CREB5: variants seen among roughly 807,000 people sequenced by gnomAD.
CREB5 encodes the protein cyclic AMP-responsive element-binding protein 5.
CREB5 carries 19 observed loss-of-function variants against 57.1 expected under a neutral mutation model. The observed-to-expected ratio is 0.33, with a 90% confidence interval of 0.23 to 0.49. CREB5 has a LOEUF of 0.49. Among genes scored for constraint, CREB5 ranks in the 20% least tolerant of loss-of-function variants. The probability of loss-of-function intolerance (pLI) is 0.99; values close to 1 mark genes in which losing one functional copy is unlikely to be tolerated. For missense variants in CREB5, 579 were observed against 671.6 expected (o/e 0.86, Z 1.52); for synonymous variants, 238 against 238.3 (o/e 1.00, Z 0.01).
At chr7:28,501,084 G>A (rs1215522805) in intron 3 of CREB5, among the ~76,000 whole-genome samples, 2 of 151,654 alleles carry the variant, frequency 1.3e-5, no homozygotes, top group South Asian at 4.2e-4. Context: ...TTTCATATGA[G>A]GAAATAAGAT....
In CREB5 at chr7:28,820,382, T is replaced by C. The variant is rs1809691426; in HGVS notation, c.*1103T>C. The C allele has an allele frequency of 6.6e-6, 1 of 152,502 alleles. No homozygotes were observed. The allele number at this position is 152,502 out of a possible 1,614,324, so 9.4% of individuals were successfully genotyped here. A position where few individuals can be genotyped will look rare whatever the true frequency, so the allele number is the denominator to read the frequency against. On this transcript the variant is annotated 3_prime_UTR_variant, in exon 11 of 11. Coordinates refer to ENST00000357727, the MANE Select transcript of CREB5 (RefSeq NM_182898.4). ...TCTATTCACTACACAGATTACATTG[T>C]TCAATCATCAGCTGCTAATAGCCTA...
rs185731698 is a variant in CREB5 at position 28,461,051 on chromosome 7, A to C, written c.4-27124A>C. 5.1e-3 allele frequency among the ~76,000 whole-genome samples: 770 copies of C among 152,112 alleles called. 6 individuals are homozygous for C. Among genetic ancestry groups the C allele is most frequent in the African/African-American group, 0.018 (738 of 41,474 alleles). ...CTACCAACAACACAAACAAAAAAAA[A>C]CAAAATGAAATCCCCACAAAAACTT... On this transcript the variant is annotated intron_variant, in intron 1 of 10. Transcript: ENST00000357727.
At chr7:28,731,742 G>GTTTCCC (rs1245318535) in intron 7 of CREB5, among the ~76,000 whole-genome samples, 1 of 152,310 alleles carries the variant, frequency 6.6e-6, no homozygotes, top group Admixed American at 6.5e-5. Context: ...CTGCAATTTG[G>GTTTCCC]TTATTGAAGC....
intron 1 of CREB5, among the ~76,000 whole-genome samples, chr7:28,391,547 T>C (rs531639596): frequency 6.6e-6 from 1 of 152,356 alleles, no homozygotes; most frequent in Non-Finnish European, 1.5e-5. Flanking sequence ...CATTGAAGAA[T>C]TGCTCTGTGC....
At chr7:28,432,739 T>G (rs1039935582) in intron 1 of CREB5, among the ~76,000 whole-genome samples, 5 of 152,330 alleles carry the variant, frequency 3.3e-5, no homozygotes, top group Admixed American at 3.3e-4. Context: ...GTTCAGGGAT[T>G]CCCTCAACTT....
chr7:28,453,958 CT>C lies in CREB5; in HGVS notation c.4-34204del, dbSNP rs70977045. Reference sequence around the variant, plus strand: ...AACTGAAAGAGACTCCTCTCCAATTCTTTTTTTTTTTTTGAGATGGAGTCTC... The same window carrying C: ...AACTGAAAGAGACTCCTCTCCAATTCTTTTTTTTTTTTGAGATGGAGTCTC... On this transcript the variant is annotated intron_variant, in intron 1 of 10. Transcript: ENST00000357727. Among the ~76,000 whole-genome samples the C allele has an allele frequency of 5.5e-3, 731 of 132,426 alleles. 11 individuals carry two copies. Among genetic ancestry groups the C allele is most frequent in the Middle Eastern group, 0.054 (12 of 222 alleles). The allele number at this position is 132,426 out of a possible 152,430, so 86.9% of individuals were successfully genotyped here.
At chr7:28,315,393 T>C (rs1304428656) in intron 1 of CREB5, among the ~76,000 whole-genome samples, 1 of 152,210 alleles carries the variant, frequency 6.6e-6, no homozygotes, top group Non-Finnish European at 1.5e-5. Flanking sequence ...TGTCCGAAGC[T>C]GAGGTTGCCT....
chr7:28,578,665 A>G (rs942011127), intron 5 of CREB5, among the ~76,000 whole-genome samples: 1 of 152,206 alleles, frequency 6.6e-6, no homozygotes, highest in African/African-American at 2.4e-5. Flanking sequence ...ATTCTGAATT[A>G]AAAAAGAAGC....
intron 5 of CREB5, among the ~76,000 whole-genome samples, chr7:28,665,759 C>G (rs929465223): frequency 3.9e-5 from 6 of 151,988 alleles, no homozygotes; most frequent in African/African-American, 1.4e-4. Flanking sequence ...TCACATTTAG[C>G]CTTCAGCTGC....
chr7:28,309,367 C>A (rs1785238134), intron 1 of CREB5, among the ~76,000 whole-genome samples: 1 of 152,178 alleles, frequency 6.6e-6, no homozygotes, highest in Non-Finnish European at 1.5e-5. Flanking sequence ...GCTCACAGAG[C>A]CTTTGTCTCA....
intron 1 of CREB5, among the ~76,000 whole-genome samples, chr7:28,422,735 C>A (rs1473822020): frequency 6.6e-6 from 1 of 152,132 alleles, no homozygotes; most frequent in Non-Finnish European, 1.5e-5. Context: ...GTGAAAGTAA[C>A]CAGAGCTAAT....
chr7:28,452,421 A>G (rs1789867555), intron 1 of CREB5, among the ~76,000 whole-genome samples: 3 of 152,262 alleles, frequency 2.0e-5, no homozygotes, highest in Admixed American at 2.0e-4. Context: ...TAAATGTAAT[A>G]TAACAAAGAA....
intron 1 of CREB5, among the ~76,000 whole-genome samples, chr7:28,352,661 A>G (rs1488176817): frequency 6.6e-6 from 1 of 152,208 alleles, no homozygotes; most frequent in African/African-American, 2.4e-5. Context: ...CAATCCCCAG[A>G]GGAAGCAGAG....
chr7:28,720,039 G>A (rs1338115912), intron 6 of CREB5, among the ~76,000 whole-genome samples: 4 of 152,212 alleles, frequency 2.6e-5, no homozygotes, highest in African/African-American at 7.2e-5. Flanking sequence ...CAGCCTGGGT[G>A]ACAGAGCGAG....
chr7:28,616,019 G>A (rs1293579099), intron 5 of CREB5: 1 of 152,186 alleles, frequency 6.6e-6, no homozygotes, highest in Non-Finnish European at 1.5e-5. Context: ...CATTTTTCCT[G>A]ACAATTTATT....
chr7:28,560,881 T>TGTGTGTGC (rs1554344374), intron 4 of CREB5, among the ~76,000 whole-genome samples: 2 of 46,202 alleles, frequency 4.3e-5, no homozygotes, highest in South Asian at 1.0e-3. Context: ...TGCGCGTGCG[T>TGTGTGTGC]GCGTGCGTGT....
At chr7:28,391,921 CT>C (rs1430560299) in intron 1 of CREB5, among the ~76,000 whole-genome samples, 8 of 152,084 alleles carry the variant, frequency 5.3e-5, no homozygotes, top group Admixed American at 4.6e-4. Flanking sequence ...CCTAATGTGG[CT>C]GTTCTAGGAA....
At chr7:28,449,982 G>T (rs1487230120) in intron 1 of CREB5, among the ~76,000 whole-genome samples, 9 of 152,152 alleles carry the variant, frequency 5.9e-5, no homozygotes, top group Admixed American at 5.9e-4. Flanking sequence ...TCTAGTCTGT[G>T]AGAGGAGCTC....
chr7:28,672,186 A>ACCAC (rs553407335), intron 5 of CREB5, among the ~76,000 whole-genome samples: 1 of 141,882 alleles, frequency 7.0e-6, no homozygotes, highest in Non-Finnish European at 1.6e-5. Flanking sequence ...AAAAAAAAAA[A>ACCAC]AAACACACAC....
Sources: gnomAD v4.1 joint callset for allele counts (sites outside exome capture counted in the v4.1 genomes callset) on GRCh38, gnomAD v4.1.1 for gene constraint, MANE v1.5 for transcripts, NCBI Gene and HGNC (gene_info 2026-07-23, HGNC 2026-07-21) for gene names.